Variants in HELLS observed in about 807,000 individuals in gnomAD.
HELLS encodes the protein helicase, lymphoid specific, also known as lymphoid-specific helicase.
A neutral mutation model predicts 120.0 loss-of-function variants in HELLS; 32 were observed. That is an observed-to-expected ratio of 0.27 (90% CI 0.20 to 0.36). HELLS has a LOEUF of 0.36. Among genes scored for constraint, HELLS ranks in the 10% least tolerant of loss-of-function variants. The probability of loss-of-function intolerance (pLI) is 1.00; values close to 1 mark genes in which losing one functional copy is unlikely to be tolerated. For synonymous variants in HELLS, 341 were observed against 323.4 expected, an observed-to-expected ratio of 1.05 and a Z score of -0.58; for missense variants, 650 against 993.4, an observed-to-expected ratio of 0.65 and a Z score of 4.65.
At chr10:94,578,345 C>A (rs1275369582) in intron 10 of HELLS, among the ~76,000 whole-genome samples, 1 of 152,056 alleles carries the variant, frequency 6.6e-6, no homozygotes, top group African/African-American at 2.4e-5. Flanking sequence ...CAGAATGATT[C>A]AAATGCATTA....
intron 19 of HELLS, among the ~76,000 whole-genome samples, chr10:94,596,360 T>G (rs1329382170): frequency 6.6e-6 from 1 of 152,178 alleles, no homozygotes; most frequent in Admixed American, 6.5e-5. Context: ...ATTCCTATGC[T>G]CCCCTTACCA....
chr10:94,569,718 G>A (rs1057148987), intron 6 of HELLS: 2 of 151,960 alleles, frequency 1.3e-5, no homozygotes, highest in Admixed American at 6.6e-5. Context: ...AGTAGTGCAG[G>A]GACTATAGGC....
intron 3 of HELLS, among the ~76,000 whole-genome samples, chr10:94,556,428 A>C (rs1843268451): frequency 6.6e-6 from 1 of 152,142 alleles, no homozygotes; most frequent in South Asian, 2.1e-4. Context: ...CCTGAGAAGG[A>C]TTCCATTAAG....
intron 13 of HELLS, among the ~76,000 whole-genome samples, chr10:94,588,870 G>A (rs1845312056): frequency 6.6e-6 from 1 of 152,190 alleles, no homozygotes; most frequent in Non-Finnish European, 1.5e-5. Context: ...ATTTAGGCCA[G>A]GCACGGTGGC....
At chr10:94,547,026 T>C (rs1038117135) in intron 2 of HELLS, among the ~76,000 whole-genome samples, 1 of 152,238 alleles carries the variant, frequency 6.6e-6, no homozygotes, top group Non-Finnish European at 1.5e-5. Flanking sequence ...TTTCATGGCC[T>C]GTGTATTGCT....
At chr10:94,597,820 A>G (rs1445593516) in intron 21 of HELLS, among the ~76,000 whole-genome samples, 1 of 152,222 alleles carries the variant, frequency 6.6e-6, no homozygotes, top group Non-Finnish European at 1.5e-5. Context: ...GGCATGAGCC[A>G]CTGCACCAAG....
chr10:94,553,807 C>T (rs547332964), intron 2 of HELLS, among the ~76,000 whole-genome samples: 1 of 152,246 alleles, frequency 6.6e-6, no homozygotes, highest in South Asian at 2.1e-4. Context: ...TTTGGCCTCC[C>T]AAAGTGCTGG....
intron 3 of HELLS, among the ~76,000 whole-genome samples, chr10:94,556,914 C>T (rs139384116): frequency 6.6e-6 from 1 of 152,308 alleles, no homozygotes; most frequent in Non-Finnish European, 1.5e-5. Context: ...ATCCCATTAC[C>T]TTTCAGACCT....
intron 2 of HELLS, among the ~76,000 whole-genome samples, chr10:94,549,668 G>A (rs932950548): frequency 2.1e-4 from 32 of 152,252 alleles, no homozygotes; most frequent in African/African-American, 7.7e-4. Flanking sequence ...TGCCCTCGGT[G>A]TCCATTGGCA....
chr10:94,592,823 C>T (rs1203633549), intron 17 of HELLS, among the ~76,000 whole-genome samples: 1 of 149,176 alleles, frequency 6.7e-6, no homozygotes, highest in Non-Finnish European at 1.5e-5. Context: ...ATGAAAATAT[C>T]AACTATATGG....
chr10:94,557,863 C>T (rs2134006855), intron 3 of HELLS, among the ~76,000 whole-genome samples: 1 of 152,262 alleles, frequency 6.6e-6, no homozygotes, highest in South Asian at 2.1e-4. Context: ...AGAAGATTAA[C>T]CTTGTTTCCG....
chr10:94,574,824 T>C (rs985024680), intron 9 of HELLS, 88 bp downstream of exon 9: 11 of 951,736 alleles, frequency 1.2e-5, no homozygotes, highest in African/African-American at 1.7e-5. Flanking sequence ...AGAACTCTTA[T>C]AATTATATTG....
chr10:94,574,787 G>T (rs989603406), intron 9 of HELLS, 51 bp downstream of exon 9: 2 of 1,413,204 alleles, frequency 1.4e-6, no homozygotes, highest in Non-Finnish European at 2.0e-6. Context: ...GTTTTCTTAT[G>T]CTTTGTTGTA....
chr10:94,563,479 TC>T (rs1482936915), intron 6 of HELLS, among the ~76,000 whole-genome samples: 1 of 152,020 alleles, frequency 6.6e-6, no homozygotes, highest in African/African-American at 2.4e-5. Context: ...CTAGCTTCCT[TC>T]TTTTTTTTCT....
At chr10:94,594,610 A>G (rs1845655354) in intron 18 of HELLS, 85 bp from the exon 19 acceptor site, 2 of 1,010,534 alleles carry the variant, frequency 2.0e-6, no homozygotes, top group African/African-American at 1.6e-5. Context: ...TCCTGGCTAG[A>G]TCATTCATGT....
At chr10:94,556,898 C>T (rs774750472) in intron 3 of HELLS, among the ~76,000 whole-genome samples, 2 of 152,186 alleles carry the variant, frequency 1.3e-5, no homozygotes, top group Non-Finnish European at 2.9e-5. Context: ...TTGACTGCCT[C>T]CCTCAATCCC....
intron 21 of HELLS, among the ~76,000 whole-genome samples, chr10:94,597,720 A>G (rs938157641): frequency 1.3e-5 from 2 of 152,008 alleles, no homozygotes; most frequent in Non-Finnish European, 2.9e-5. Flanking sequence ...TTTAGTAGAG[A>G]CAGGGTTTCG....
intron 6 of HELLS, among the ~76,000 whole-genome samples, chr10:94,565,595 CAGG>C (rs1372956271): frequency 1.3e-5 from 2 of 151,680 alleles, no homozygotes; most frequent in African/African-American, 4.8e-5. Context: ...CAGGCTGAGG[CAGG>C]AGAATTGCTT....
chr10:94,566,084 G>T (rs978262526), intron 6 of HELLS, among the ~76,000 whole-genome samples: 1 of 151,876 alleles, frequency 6.6e-6, no homozygotes, highest in Non-Finnish European at 1.5e-5. Context: ...GTAGAGATGG[G>T]GTTTTGTCAT....
Sources: gnomAD v4.1 joint callset for allele counts (sites outside exome capture counted in the v4.1 genomes callset) on GRCh38, gnomAD v4.1.1 for gene constraint, MANE v1.5 for transcripts, NCBI Gene and HGNC (gene_info 2026-07-23, HGNC 2026-07-21) for gene names.